The following LARP1 variants were observed in gnomAD, a reference collection of about 807,000 sequenced individuals.
LARP1 encodes la-related protein 1.
LARP1 carries 36 observed loss-of-function variants against 122.7 expected under a neutral mutation model. The ratio of observed to expected loss-of-function variants is 0.29; its 90% CI spans 0.22 to 0.39. The LOEUF (loss-of-function observed/expected upper bound fraction) is 0.39, where lower values mean the gene tolerates loss of function less well. Ranked by LOEUF, LARP1 falls within the 10% of genes least tolerant of loss-of-function variation. The pLI is 1.00. For missense variants in LARP1, 1,040 were observed against 1,403.6 expected (o/e 0.74, Z 4.14); for synonymous variants, 539 against 528.7 (o/e 1.02, Z -0.27).
chr5:154,803,519 C>G lies in LARP1; in HGVS notation c.2234-21C>G. On this transcript the variant is annotated intron_variant, in intron 12 of 18. Coordinates refer to ENST00000518297, the MANE Select transcript of LARP1 (RefSeq NM_033551.3). This position sits in a 1 kb window ranked among gnomAD's most constrained non-coding sequence, Gnocchi z 4.4. ...CCACAGGCCTTTCCCTGCTTCCTGA[C>G]TCCTCTCTCTGCCTCTGCAGTTCCT... The G allele has an allele frequency of 6.8e-6, 11 of 1,614,164 alleles. No individual in the cohort carries two copies. Among genetic ancestry groups the G allele is most frequent in the Non-Finnish European group, 9.3e-6 (11 of 1,180,030 alleles).
chr5:154,722,024 A>G (rs1476790291), intron 1 of LARP1, among the ~76,000 whole-genome samples: 1 of 152,168 alleles, frequency 6.6e-6, no homozygotes, highest in Non-Finnish European at 1.5e-5. Flanking sequence ...CTATGGCATT[A>G]TCTTTGGCCT....
At chr5:154,779,961 T>C (rs990292024) in intron 1 of LARP1, among the ~76,000 whole-genome samples, 3 of 152,038 alleles carry the variant, frequency 2.0e-5, no homozygotes, top group African/African-American at 7.2e-5. Context: ...CCAGTTGGGT[T>C]GTAGCATATG....
chr5:154,799,735 C>T lies in LARP1; in HGVS notation c.1522C>T (p.Arg508Cys), dbSNP rs772821134. 1.9e-6 allele frequency: 3 copies of T among 1,614,086 alleles called. No individual in the cohort carries two copies. Among genetic ancestry groups the T allele is most frequent in the East Asian group, 2.2e-5 (1 of 44,900 alleles). ...QLLNCPEFVPRQHYQKETESA... is the reference protein window; with the variant it reads ...QLLNCPEFVPCQHYQKETESA... ...TCTCAACTGCCCTGAATTTGTTCCCCGTCAGCACTACCAAAAGGAGACAGG... is the reference window on the plus strand; with the variant it reads ...TCTCAACTGCCCTGAATTTGTTCCCTGTCAGCACTACCAAAAGGAGACAGG... Residue 508 changes from arginine (R) to cysteine (C), a missense_variant, in exon 9 of 19, where the codon CGT (arginine) becomes TGT (cysteine). Around this residue, in one of 8 missense-constraint regions of LARP1, gnomAD observed 362 missense variants for 533.1 expected, o/e 0.68. Coordinates refer to ENST00000518297, the MANE Select transcript of LARP1 (RefSeq NM_033551.3).
At chr5:154,734,405 T>C (rs2113421583) in intron 1 of LARP1, among the ~76,000 whole-genome samples, 1 of 152,274 alleles carries the variant, frequency 6.6e-6, no homozygotes, top group East Asian at 1.9e-4. Context: ...TTTTAATAAG[T>C]AACAAAATGT....
chr5:154,790,825 T>C, intron 3 of LARP1, 115 bp downstream of exon 3: 1 of 973,960 alleles, frequency 1.0e-6, no homozygotes, highest in Non-Finnish European at 1.6e-6. Context: ...ATTCTTTCTT[T>C]TTTTTCCCCC....
In LARP1 at chr5:154,796,617, A is replaced by G. The variant is rs551234783; in HGVS notation, c.1377+1298A>G. 1.9e-3 allele frequency among the ~76,000 whole-genome samples: 291 copies of G among 152,286 alleles called. 1 individual carries two copies. Among genetic ancestry groups the G allele is most frequent in the African/African-American group, 6.3e-3 (263 of 41,570 alleles). ...TTATCATAATGATGTATTTTCTCTCAGGTGGCACATAACATTTCATTTGAT... is the reference window on the plus strand; with the variant it reads ...TTATCATAATGATGTATTTTCTCTCGGGTGGCACATAACATTTCATTTGAT... On this transcript the variant is annotated intron_variant, in intron 8 of 18. Transcript: ENST00000518297.
At chr5:154,810,316 G>A (rs1759158241) in intron 16 of LARP1, among the ~76,000 whole-genome samples, 1 of 151,576 alleles carries the variant, frequency 6.6e-6, no homozygotes, top group South Asian at 2.1e-4. Flanking sequence ...CATGCCTGTA[G>A]TTCCAGCTAC....
At chr5:154,684,378 G>A (rs990209248) in intron 1 of LARP1, among the ~76,000 whole-genome samples, 3 of 152,064 alleles carry the variant, frequency 2.0e-5, no homozygotes, top group Admixed American at 1.3e-4. Flanking sequence ...GGGGACTATA[G>A]TAAGCTGTGT....
chr5:154,709,571 G>A (rs1048643411), upstream of LARP1, among the ~76,000 whole-genome samples: 7 of 147,402 alleles, frequency 4.7e-5, no homozygotes, highest in Non-Finnish European at 8.9e-5. Context: ...GGTTCTTTCC[G>A]GCTTTTCAAA....
chr5:154,755,329 G>A (rs1753757821), upstream of LARP1, among the ~76,000 whole-genome samples: 1 of 149,578 alleles, frequency 6.7e-6, no homozygotes, highest in African/African-American at 2.4e-5. Context: ...CCCGCCGCCT[G>A]CCGCGGATCG....
At chr5:154,790,256 G>A (rs1485098580) in intron 1 of LARP1, 69 bp from the exon 2 acceptor site, 2 of 1,331,510 alleles carry the variant, frequency 1.5e-6, no homozygotes, top group Non-Finnish European at 2.1e-6. Flanking sequence ...CGGTGATGAG[G>A]GTGAGGAGCT....
At chr5:154,729,503 A>G (rs1218582827) in intron 1 of LARP1, 3 of 414,916 alleles carry the variant, frequency 7.2e-6, no homozygotes, top group East Asian at 1.3e-4. Flanking sequence ...TATTGAGCAC[A>G]TTAAGCATTC....
chr5:154,722,020 C>T (rs1419799420), intron 1 of LARP1, among the ~76,000 whole-genome samples: 3 of 152,208 alleles, frequency 2.0e-5, no homozygotes, highest in Non-Finnish European at 4.4e-5. Context: ...ACTGCTATGG[C>T]ATTATCTTTG....
rs953101724 is a variant in LARP1, at chr5:154,793,479, G to A, written c.740-116G>A. The A allele has an allele frequency of 7.6e-6, 10 of 1,317,906 alleles. No homozygotes were observed. In the African/African-American group the frequency reaches 1.2e-4, roughly 15 times the overall value. 81.6% of individuals were successfully genotyped at this position (1,317,906 alleles called of 1,614,324 possible). On this transcript the variant is annotated intron_variant, in intron 4 of 18. Coordinates refer to ENST00000518297, the MANE Select transcript of LARP1 (RefSeq NM_033551.3). ...ATGTGTGGGAAAGGGATCTGCCCAA[G>A]GTAACCAGATTGTGATTTGGGCCCA...
chr5:154,764,610 A>C lies in LARP1; in HGVS notation c.436+8417A>C, dbSNP rs867581412. On this transcript the variant is annotated intron_variant, in intron 1 of 18. Coordinates refer to ENST00000518297, the MANE Select transcript of LARP1 (RefSeq NM_033551.3). ...GACCATGTCTCAAAAAAAAAAAAAA[A>C]AAAAAAAAAACTGGCTGGGCGTAGT... Among the ~76,000 whole-genome samples, 6 of 149,828 alleles carry C rather than the reference A, an allele frequency of 4.0e-5. 1 individual carries two copies. The Middle Eastern group carries it at 0.014, about 344-fold the overall frequency.
chr5:154,775,420 G>A (rs1004360271), intron 1 of LARP1, among the ~76,000 whole-genome samples: 3 of 151,862 alleles, frequency 2.0e-5, no homozygotes, highest in South Asian at 4.2e-4. Flanking sequence ...CTGAACCCGG[G>A]GAGGTCGAAG....
At chr5:154,739,369 A>G (rs1561555873) in intron 1 of LARP1, among the ~76,000 whole-genome samples, 1 of 152,162 alleles carries the variant, frequency 6.6e-6, no homozygotes, top group Non-Finnish European at 1.5e-5. Flanking sequence ...GCAAGTACCA[A>G]AAGCACATGA....
In LARP1 at chr5:154,797,221, G is replaced by GTTTTTTTTTTTTTT. The variant is rs1158010359; in HGVS notation, c.1377+1918_1377+1931dup. On this transcript the variant is annotated intron_variant, in intron 8 of 18. Transcript: ENST00000518297. ...GGAGTTATTCTGTTTTGTTGTTGTT[G>GTTTTTTTTTTTTTT]TTTTTTTTTTTTTTTTTTTTTTTTT... Among the ~76,000 whole-genome samples the GTTTTTTTTTTTTTT allele has an allele frequency of 3.4e-4, 10 of 29,776 alleles. 1 individual carries two copies. Among genetic ancestry groups the GTTTTTTTTTTTTTT allele is most frequent in the Non-Finnish European group, 5.4e-4 (8 of 14,686 alleles). 19.5% of individuals were successfully genotyped at this position (29,776 alleles called of 152,430 possible).
intron 1 of LARP1, among the ~76,000 whole-genome samples, chr5:154,757,448 C>T (rs1316304510): frequency 6.6e-6 from 1 of 151,664 alleles, no homozygotes; most frequent in African/African-American, 2.4e-5. Flanking sequence ...GCGTATAGGG[C>T]GGGTCTCCAT....
Sources: allele counts gnomAD v4.1 joint callset (sites outside exome capture counted in the v4.1 genomes callset), GRCh38; gene constraint gnomAD v4.1.1; regional missense constraint gnomAD v4.1.1; non-coding constraint Gnocchi (gnomAD v3.1); transcripts MANE v1.5; gene names NCBI Gene and HGNC (gene_info 2026-07-23, HGNC 2026-07-21).